The following KLHL29 variants were observed in gnomAD, a reference collection of about 807,000 sequenced individuals.
KLHL29 encodes the protein kelch like family member 29, also known as kelch-like protein 29.
In KLHL29, 21 loss-of-function variants were observed where a neutral mutation model predicts 80.4. That is an observed-to-expected ratio of 0.26 (90% CI 0.19 to 0.38). The LOEUF (loss-of-function observed/expected upper bound fraction) is 0.38. KLHL29 is among the 10% of genes least tolerant of loss of function. The probability of loss-of-function intolerance (pLI) is 1.00; values close to 1 mark genes in which losing one functional copy is unlikely to be tolerated. For missense variants in KLHL29, 867 were observed against 1,223.9 expected, an observed-to-expected ratio of 0.71 and a Z score of 4.35; for synonymous variants, 511 against 526.8, an observed-to-expected ratio of 0.97 and a Z score of 0.41.
intron 5 of KLHL29, chr2:23,643,139 G>A (rs1032787422): frequency 1.8e-6 from 1 of 562,376 alleles, no homozygotes; most frequent in Admixed American, 2.6e-5. Context: ...TCCAGCCCAA[G>A]CCCTGGCCAT....
At chr2:23,427,246 G>A (rs1473179055) in intron 1 of KLHL29, among the ~76,000 whole-genome samples, 4 of 152,094 alleles carry the variant, frequency 2.6e-5, no homozygotes, top group Non-Finnish European at 5.9e-5. Flanking sequence ...ATATTTTTGC[G>A]GCGTTCTATA....
chr2:23,524,074 A>G, intron 2 of KLHL29: 1 of 470,972 alleles, frequency 2.1e-6, no homozygotes, highest in South Asian at 1.5e-5. Context: ...TTCCCCATCT[A>G]GGGTTTTTTC....
intron 1 of KLHL29, among the ~76,000 whole-genome samples, chr2:23,432,471 C>T (rs1663207684): frequency 6.6e-6 from 1 of 152,194 alleles, no homozygotes; most frequent in Admixed American, 6.5e-5. Flanking sequence ...GCCATGGTGC[C>T]CCATTCTGGG....
chr2:23,400,763 G>A (rs546553038), intron 1 of KLHL29, among the ~76,000 whole-genome samples: 56 of 152,302 alleles, frequency 3.7e-4, no homozygotes, highest in African/African-American at 1.3e-3. Context: ...TTAACCTCCT[G>A]GTTAAGGGTG....
chr2:23,404,706 A>C (rs947574104), intron 1 of KLHL29, among the ~76,000 whole-genome samples: 1 of 152,248 alleles, frequency 6.6e-6, no homozygotes, highest in Non-Finnish European at 1.5e-5. Flanking sequence ...GCTTCCACTT[A>C]ATACGTCCTG....
At chr2:23,579,475 G>C (rs539661381) in intron 3 of KLHL29, among the ~76,000 whole-genome samples, 1 of 151,902 alleles carries the variant, frequency 6.6e-6, no homozygotes, top group Non-Finnish European at 1.5e-5. Context: ...CAGGTTTCCC[G>C]CCCACCCAGC....
intron 1 of KLHL29, among the ~76,000 whole-genome samples, chr2:23,413,483 C>A (rs1666913277): frequency 6.6e-6 from 1 of 152,222 alleles, no homozygotes; most frequent in Non-Finnish European, 1.5e-5. Context: ...GGACTGCCAT[C>A]ACCGGGCAGA....
At chr2:23,576,517 G>T (rs924541924) in intron 3 of KLHL29, among the ~76,000 whole-genome samples, 3 of 152,146 alleles carry the variant, frequency 2.0e-5, no homozygotes, top group Admixed American at 6.5e-5. Flanking sequence ...TCTGAATTAG[G>T]TTCCATGTAC....
intron 5 of KLHL29, among the ~76,000 whole-genome samples, chr2:23,679,814 AGAGGCCCAG>A (rs1390956307): frequency 2.6e-5 from 4 of 152,194 alleles, no homozygotes; most frequent in Admixed American, 1.3e-4. Context: ...AAGGAGGCAA[AGAGGCCCAG>A]GACAAAATAA....
intron 2 of KLHL29, among the ~76,000 whole-genome samples, chr2:23,477,871 A>G (rs1232296229): frequency 1.3e-5 from 2 of 152,212 alleles, no homozygotes; most frequent in Admixed American, 6.5e-5. Flanking sequence ...GAGACACCCC[A>G]GGGCAGTGGG....
At chr2:23,528,853 C>T (rs1174183419) in intron 2 of KLHL29, among the ~76,000 whole-genome samples, 3 of 152,220 alleles carry the variant, frequency 2.0e-5, no homozygotes, top group Non-Finnish European at 4.4e-5. Context: ...GCTATCTCTG[C>T]GGCCACCCTG....
At chr2:23,533,234 C>T (rs1394926090) in intron 2 of KLHL29, among the ~76,000 whole-genome samples, 1 of 152,154 alleles carries the variant, frequency 6.6e-6, no homozygotes, top group Non-Finnish European at 1.5e-5. Context: ...TGTGTGTGCA[C>T]AAGTAAGCAG....
chr2:23,536,918 A>ACACACACACACTCT (rs143009876), intron 2 of KLHL29, among the ~76,000 whole-genome samples: 114 of 140,730 alleles, frequency 8.1e-4, no homozygotes, highest in African/African-American at 2.1e-3. Flanking sequence ...ACACACACAC[A>ACACACACACACTCT]CTCTCTCTCT....
At chr2:23,691,000 G>C (rs986413173) in intron 6 of KLHL29, 14 of 153,344 alleles carry the variant, frequency 9.1e-5, no homozygotes, top group Admixed American at 9.1e-4. Context: ...GCTGCTGGCT[G>C]TCTGTGGCGG....
chr2:23,501,783 TTCAA>T (rs1284567576), intron 2 of KLHL29, among the ~76,000 whole-genome samples: 2 of 152,168 alleles, frequency 1.3e-5, no homozygotes, highest in Non-Finnish European at 2.9e-5. Flanking sequence ...TGGCATGCGG[TTCAA>T]TCAGTTTTGC....
chr2:23,632,718 A>G (rs981665159), intron 3 of KLHL29, among the ~76,000 whole-genome samples: 1 of 152,226 alleles, frequency 6.6e-6, no homozygotes, highest in African/African-American at 2.4e-5. Flanking sequence ...GAGTGAGAAG[A>G]AAAAGGAAAT....
intron 6 of KLHL29, 116 bp from the exon 7 acceptor site, chr2:23,691,558 C>T: frequency 1.3e-6 from 1 of 791,834 alleles, no homozygotes; most frequent in Non-Finnish European, 2.1e-6. Flanking sequence ...TTGCCGTGTC[C>T]TTTGAGCCCT....
At chr2:23,653,953 G>C (rs1347732307) in intron 5 of KLHL29, among the ~76,000 whole-genome samples, 1 of 152,084 alleles carries the variant, frequency 6.6e-6, no homozygotes, top group Admixed American at 6.5e-5. Context: ...GATCACCTGA[G>C]GTCAGGAGTT....
chr2:23,684,659 A>G lies in KLHL29; in HGVS notation c.1079+122A>G. The G allele has an allele frequency of 1.3e-6, 1 of 772,906 alleles. No homozygotes were observed. Among genetic ancestry groups the G allele is most frequent in the South Asian group, 2.3e-5 (1 of 43,980 alleles). The allele number at this position is 772,906 out of a possible 1,614,324, so 47.9% of individuals were successfully genotyped here. ...ACTCCCTGTCACAGAGCCAGTAGCC[A>G]TCTCTCCTCCTCCTCCTCCTCCTCC... is the stretch of plus-strand genomic sequence containing the variant. On this transcript the variant is annotated intron_variant, in intron 6 of 13. Transcript: ENST00000486442. The surrounding 1 kb of genome is among the most constrained non-coding windows in gnomAD (Gnocchi z 4.4).
Sources: gnomAD v4.1 joint callset for allele counts (sites outside exome capture counted in the v4.1 genomes callset) on GRCh38, gnomAD v4.1.1 for gene constraint, Gnocchi (gnomAD v3.1) non-coding constraint, MANE v1.5 for transcripts, NCBI Gene and HGNC (gene_info 2026-07-23, HGNC 2026-07-21) for gene names.